The following KIAA0825 variants were observed in gnomAD, a reference collection of about 807,000 sequenced individuals.
The protein encoded by KIAA0825 is KIAA0825.
A neutral mutation model predicts 147.6 loss-of-function variants in KIAA0825; 119 were observed. The ratio of observed to expected loss-of-function variants is 0.81; its 90% CI spans 0.69 to 0.94. KIAA0825 has a LOEUF of 0.94. Among genes scored for constraint, KIAA0825 ranks in the 40% least tolerant of loss-of-function variants. The probability of loss-of-function intolerance (pLI) is 0.00; values close to 1 mark genes in which losing one functional copy is unlikely to be tolerated. For missense variants in KIAA0825, 1,381 were observed against 1,472.7 expected (o/e 0.94, Z 1.02); for synonymous variants, 470 against 518.1 (o/e 0.91, Z 1.26).
chr5:94,223,110 C>A (rs1423271324), intron 20 of KIAA0825, among the ~76,000 whole-genome samples: 1 of 152,192 alleles, frequency 6.6e-6, no homozygotes, highest in African/African-American at 2.4e-5. Flanking sequence ...TCCCCAACTA[C>A]CTCTTCCAAA....
intron 2 of KIAA0825, among the ~76,000 whole-genome samples, chr5:94,552,606 T>C (rs1232467739): frequency 1.3e-5 from 2 of 151,888 alleles, no homozygotes; most frequent in African/African-American, 2.4e-5. Flanking sequence ...AAGAGAAACT[T>C]TGGAACGTGT....
intron 20 of KIAA0825, among the ~76,000 whole-genome samples, chr5:94,219,036 C>G: frequency 6.6e-6 from 1 of 152,130 alleles, no homozygotes. Context: ...GGTCCCCAAA[C>G]TTTTTGGCAC....
At chr5:94,352,891 T>C (rs537072159) in intron 20 of KIAA0825, among the ~76,000 whole-genome samples, 2 of 148,258 alleles carry the variant, frequency 1.3e-5, no homozygotes, top group Non-Finnish European at 3.0e-5. Context: ...TGCGAAGGCA[T>C]AAGAATGATG....
rs552745683 is a variant in KIAA0825 at position 94,275,385 on chromosome 5, T to G, written c.3710+108983A>C. ...GCCCTGATACAATCTCATTAAAACA[T>G]AAAGTAATATAGTTTCTCCTCATTC... On this transcript the variant is annotated intron_variant, in intron 20 of 20. Transcript: ENST00000682413. 3.3e-5 allele frequency among the ~76,000 whole-genome samples: 5 copies of G among 152,278 alleles called. No homozygotes were observed. The South Asian group carries it at 1.0e-3, about 32-fold the overall frequency.
chr5:94,555,444 CTATA>C (rs1268960762), intron 2 of KIAA0825, among the ~76,000 whole-genome samples: 1 of 151,972 alleles, frequency 6.6e-6, no homozygotes, highest in Admixed American at 6.6e-5. Context: ...ACTAGATTAT[CTATA>C]TATATCTGGT....
intron 20 of KIAA0825, among the ~76,000 whole-genome samples, chr5:94,305,117 G>A (rs1209645221): frequency 6.6e-6 from 1 of 151,914 alleles, no homozygotes; most frequent in Non-Finnish European, 1.5e-5. Context: ...ATTGTTCTAA[G>A]ATCAAAATAT....
chr5:94,344,906 GGGA>G (rs1465130947), intron 20 of KIAA0825, among the ~76,000 whole-genome samples: 1 of 152,148 alleles, frequency 6.6e-6, no homozygotes, highest in Non-Finnish European at 1.5e-5. Flanking sequence ...GCTAGGGGCT[GGGA>G]GAAGAGAGGA....
Position 94,520,610 on chromosome 5 carries a change from T to C in KIAA0825, c.608A>G (p.Tyr203Cys). Residue 203 changes from tyrosine (Y) to cysteine (C), a missense_variant, in exon 5 of 21, where the codon TAT (tyrosine) becomes TGT (cysteine). Tyr to Cys is a radical substitution (Grantham distance 194, BLOSUM62 -2). Coordinates refer to ENST00000682413, the MANE Select transcript of KIAA0825 (RefSeq NM_001145678.3). ...TTTGATTATAACTTCTGATTCTGGA[T>C]AAAGAAACAAGAGTTGTTGTAAGCA... ...KQCLQQLLFLYPESEVIIKYQ... is the reference protein window; with the variant it reads ...KQCLQQLLFLCPESEVIIKYQ... 6.2e-7 allele frequency: 1 copy of C among 1,613,404 alleles called. No homozygotes were observed. The highest frequency in any genetic ancestry group is 8.5e-7 in the Non-Finnish European group (1 of 1,179,536).
Position 94,520,930 on chromosome 5 carries a change from TA to T in KIAA0825, c.301-14del, listed in dbSNP as rs1768061331. On this transcript the variant is annotated splice_polypyrimidine_tract_variant and intron_variant, in intron 4 of 20. Coordinates refer to ENST00000682413, the MANE Select transcript of KIAA0825 (RefSeq NM_001145678.3). ...TCAACAAATCTTGCTAATGAAATTA[TA>T]ACATTAGAAATGTGATTAAGTGCAA... 3 of 1,537,232 alleles carry T rather than the reference TA, an allele frequency of 2.0e-6. No individual in the cohort carries two copies. Among genetic ancestry groups the T allele is most frequent in the Non-Finnish European group, 2.7e-6 (3 of 1,131,034 alleles).
chr5:94,441,520 G>A (rs1039800782), intron 13 of KIAA0825, among the ~76,000 whole-genome samples: 2 of 152,088 alleles, frequency 1.3e-5, no homozygotes, highest in South Asian at 2.1e-4. Context: ...TAATCCCAAC[G>A]TATCTGGAGA....
chr5:94,424,695 C>T (rs926584935), intron 14 of KIAA0825, among the ~76,000 whole-genome samples: 9 of 151,840 alleles, frequency 5.9e-5, no homozygotes, highest in East Asian at 1.9e-4. Context: ...GAAAAAGAGA[C>T]TTTAAAAATA....
rs919865279 is a variant in KIAA0825, at chr5:94,262,986, G to C, written c.3711-108862C>G. Among the ~76,000 whole-genome samples the C allele has an allele frequency of 3.3e-5, 5 of 152,080 alleles. No individual in the cohort carries two copies. In the South Asian group the frequency reaches 8.3e-4, roughly 25 times the overall value. On this transcript the variant is annotated intron_variant, in intron 20 of 20. Coordinates refer to ENST00000682413, the MANE Select transcript of KIAA0825 (RefSeq NM_001145678.3). Reference sequence around the variant, plus strand: ...TAGTGTTACTATGCTCCCTAGAAATGGACACCCAGAAGCCAAACTAGAAGA... The same window carrying C: ...TAGTGTTACTATGCTCCCTAGAAATCGACACCCAGAAGCCAAACTAGAAGA...
chr5:94,207,074 T>G (rs183003704), intron 20 of KIAA0825, among the ~76,000 whole-genome samples: 3 of 152,304 alleles, frequency 2.0e-5, no homozygotes, highest in African/African-American at 7.2e-5. Context: ...ATTCAGAAAT[T>G]GAGCCAGCAA....
At chr5:94,589,420 TTTTC>T (rs1333752418) in intron 1 of KIAA0825, among the ~76,000 whole-genome samples, 49 of 152,198 alleles carry the variant, frequency 3.2e-4, no homozygotes, top group Non-Finnish European at 5.9e-4. Flanking sequence ...TTAAAATCTT[TTTTC>T]AAGTGTTTGA....
intron 2 of KIAA0825, among the ~76,000 whole-genome samples, chr5:94,552,150 TAAA>T: frequency 6.6e-6 from 1 of 151,862 alleles, no homozygotes; most frequent in Middle Eastern, 3.4e-3. Context: ...ATACTTCAAG[TAAA>T]AACTCTAAAA....
chr5:94,441,233 C>T (rs535891783), intron 13 of KIAA0825, among the ~76,000 whole-genome samples: 17 of 152,088 alleles, frequency 1.1e-4, no homozygotes, highest in African/African-American at 4.1e-4. Context: ...AATTCTCCAG[C>T]CTCATCCCAT....
intron 20 of KIAA0825, among the ~76,000 whole-genome samples, chr5:94,261,809 A>G (rs908890200): frequency 6.6e-6 from 1 of 151,928 alleles, no homozygotes; most frequent in Non-Finnish European, 1.5e-5. Flanking sequence ...ATTTCCATCT[A>G]TTCCCACTGC....
chr5:94,323,320 C>T (rs1562378370), intron 20 of KIAA0825, among the ~76,000 whole-genome samples: 1 of 151,806 alleles, frequency 6.6e-6, no homozygotes, highest in Non-Finnish European at 1.5e-5. Flanking sequence ...GATTCAAAAA[C>T]ATTTTGTATA....
chr5:94,610,677 T>G (rs554225968), intron 1 of KIAA0825, among the ~76,000 whole-genome samples: 1 of 145,622 alleles, frequency 6.9e-6, no homozygotes, highest in South Asian at 2.2e-4. Context: ...GACAGGAGAA[T>G]TGCTTGAACC....
Sources: gnomAD v4.1 joint callset for allele counts (sites outside exome capture counted in the v4.1 genomes callset) on GRCh38, gnomAD v4.1.1 for gene constraint, MANE v1.5 for transcripts, NCBI Gene and HGNC (gene_info 2026-07-23, HGNC 2026-07-21) for gene names.